FHOD3: variants seen among roughly 807,000 people sequenced by gnomAD.
FHOD3 encodes formin homology 2 domain containing 3.
FHOD3 carries 90 observed loss-of-function variants against 173.0 expected under a neutral mutation model. That is an observed-to-expected ratio of 0.52 (90% CI 0.44 to 0.62). The LOEUF is 0.62. FHOD3 is among the 20% of genes least tolerant of loss of function. The pLI, the probability that FHOD3 is intolerant of heterozygous loss-of-function variation, is 0.00. For synonymous variants in FHOD3, 828 were observed against 823.0 expected (o/e 1.01, Z -0.10); for missense variants, 1,945 against 2,034.7 (o/e 0.96, Z 0.85).
At chr18:36,327,518 G>A (rs2044735089) in intron 1 of FHOD3, among the ~76,000 whole-genome samples, 1 of 152,210 alleles carries the variant, frequency 6.6e-6, no homozygotes, top group Non-Finnish European at 1.5e-5. Flanking sequence ...CAAGGTGGTT[G>A]GTAGTATTTC....
chr18:36,518,719 C>T (rs1032433633), intron 5 of FHOD3, among the ~76,000 whole-genome samples: 1 of 152,200 alleles, frequency 6.6e-6, no homozygotes, highest in Non-Finnish European at 1.5e-5. Context: ...TAAGCCGACC[C>T]AGGCCCTGTG....
intron 3 of FHOD3, among the ~76,000 whole-genome samples, chr18:36,455,947 T>G (rs1029598185): frequency 6.6e-6 from 1 of 152,178 alleles, no homozygotes; most frequent in Non-Finnish European, 1.5e-5. Context: ...ATCTCTTGGA[T>G]GCCGCCCCCT....
At chr18:36,544,755 T>C (rs1363781627) in intron 5 of FHOD3, 1 of 152,406 alleles carries the variant, frequency 6.6e-6, no homozygotes, top group Non-Finnish European at 1.5e-5. Flanking sequence ...GTGGGACTGC[T>C]CAGGGACATC....
At chr18:36,536,306 A>C (rs1301883837) in intron 5 of FHOD3, among the ~76,000 whole-genome samples, 1 of 152,228 alleles carries the variant, frequency 6.6e-6, no homozygotes, top group Non-Finnish European at 1.5e-5. Context: ...ATTTCATCTC[A>C]ATTTCACAGT....
At chr18:36,300,566 G>A (rs948805087) in intron 1 of FHOD3, among the ~76,000 whole-genome samples, 11 of 152,138 alleles carry the variant, frequency 7.2e-5, no homozygotes, top group Admixed American at 1.3e-4. Context: ...GCCACAGGGC[G>A]TGCTTCTTCC....
At chr18:36,392,201 T>G (rs979808218) in intron 3 of FHOD3, among the ~76,000 whole-genome samples, 2 of 152,134 alleles carry the variant, frequency 1.3e-5, no homozygotes, top group African/African-American at 2.4e-5. Flanking sequence ...GGGGGTTAAA[T>G]GAGTGAATTC....
intron 3 of FHOD3, among the ~76,000 whole-genome samples, chr18:36,466,269 A>G (rs925579551): frequency 5.9e-5 from 9 of 152,150 alleles, no homozygotes; most frequent in African/African-American, 1.7e-4. Context: ...GGGTTTCGCT[A>G]TGAAACCAAA....
rs117494128 is a variant in FHOD3 at position 36,607,057 on chromosome 18, A to G, written c.813+4289A>G. 1.5e-4 allele frequency among the ~76,000 whole-genome samples: 23 copies of G among 152,088 alleles called. 1 individual carries two copies. In the East Asian group the frequency reaches 4.5e-3, roughly 30 times the overall value. ...ACAGCTTTCGCGGGCTGGATTGCAC[A>G]CTGGTAGCTCTACAGTTCTGGGGTC... On this transcript the variant is annotated intron_variant, in intron 8 of 28. Coordinates refer to ENST00000590592, the MANE Select transcript of FHOD3 (RefSeq NM_001281740.3).
intron 3 of FHOD3, among the ~76,000 whole-genome samples, chr18:36,441,447 G>C (rs55728413): frequency 0.012 from 1,898 of 152,302 alleles, 34 homozygotes; most frequent in African/African-American, 0.043. Flanking sequence ...GCTGAAGCTG[G>C]AGTCTACAGG....
intron 5 of FHOD3, among the ~76,000 whole-genome samples, chr18:36,541,890 T>G (rs940292753): frequency 6.6e-6 from 1 of 152,198 alleles, no homozygotes; most frequent in Non-Finnish European, 1.5e-5. Context: ...TTCTTCTAAG[T>G]ACTCAGATCT....
chr18:36,591,708 A>T (rs1338646641), intron 6 of FHOD3, among the ~76,000 whole-genome samples: 1 of 152,146 alleles, frequency 6.6e-6, no homozygotes. Flanking sequence ...GCTGGATCCC[A>T]GGAGTTTAAG....
chr18:36,671,892 G>A (rs569472629), intron 14 of FHOD3, among the ~76,000 whole-genome samples: 3 of 152,196 alleles, frequency 2.0e-5, no homozygotes, highest in Non-Finnish European at 2.9e-5. Context: ...GTGAAGGAAC[G>A]AACCAATCAT....
chr18:36,465,002 A>C (rs1443049366), intron 3 of FHOD3, among the ~76,000 whole-genome samples: 3 of 152,178 alleles, frequency 2.0e-5, no homozygotes, highest in Admixed American at 2.0e-4. Flanking sequence ...GTAAAATAGA[A>C]ATATAAAAAT....
intron 3 of FHOD3, among the ~76,000 whole-genome samples, chr18:36,411,826 T>C (rs1171285966): frequency 6.6e-6 from 1 of 152,240 alleles, no homozygotes; most frequent in Non-Finnish European, 1.5e-5. Flanking sequence ...CTCCTGCCTC[T>C]AGTCCTAAAA....
At chr18:36,408,731 T>G (rs2049193156) in intron 3 of FHOD3, among the ~76,000 whole-genome samples, 2 of 152,092 alleles carry the variant, frequency 1.3e-5, no homozygotes, top group African/African-American at 4.8e-5. Context: ...CATTGGGATC[T>G]GGCCAGGGCT....
At chr18:36,719,208 C>T (rs1479625525) in intron 19 of FHOD3, among the ~76,000 whole-genome samples, 1 of 152,232 alleles carries the variant, frequency 6.6e-6, no homozygotes, top group Non-Finnish European at 1.5e-5. Flanking sequence ...ATCAAGCCAG[C>T]ATTCTGCAGC....
intron 3 of FHOD3, among the ~76,000 whole-genome samples, chr18:36,383,875 G>A (rs554695787): frequency 4.8e-4 from 73 of 152,306 alleles, no homozygotes; most frequent in Non-Finnish European, 6.8e-4. Flanking sequence ...AGGGTGTTGT[G>A]TTCAACCTCT....
chr18:36,704,378 C>T (rs2039755411), intron 17 of FHOD3, among the ~76,000 whole-genome samples: 1 of 152,208 alleles, frequency 6.6e-6, no homozygotes, highest in South Asian at 2.1e-4. Context: ...GCCATGTCTT[C>T]CTTTTATTTC....
intron 1 of FHOD3, among the ~76,000 whole-genome samples, chr18:36,301,022 G>C (rs1019308966): frequency 1.3e-5 from 2 of 152,230 alleles, no homozygotes; most frequent in African/African-American, 4.8e-5. Context: ...GATTACAGGT[G>C]TGAGCCACCG....
Sources: allele counts gnomAD v4.1 joint callset (sites outside exome capture counted in the v4.1 genomes callset), GRCh38; gene constraint gnomAD v4.1.1; transcripts MANE v1.5; gene names NCBI Gene and HGNC (gene_info 2026-07-23, HGNC 2026-07-21).